Variants in ANKRD60 observed in about 807,000 individuals in gnomAD.
ANKRD60 encodes ankyrin repeat domain-containing protein 60.
In ANKRD60, 24 loss-of-function variants were observed where a neutral mutation model predicts 21.3. That is an observed-to-expected ratio of 1.13 (90% CI 0.82 to 1.59). The LOEUF (loss-of-function observed/expected upper bound fraction) is 1.59, where lower values mean the gene tolerates loss of function less well. Among genes scored for constraint, ANKRD60 ranks in the 40% most tolerant of loss-of-function variants. ANKRD60 has a pLI of 0.00. For missense variants in ANKRD60, 490 were observed against 466.7 expected (o/e 1.05, Z -0.46); for synonymous variants, 182 against 199.4 (o/e 0.91, Z 0.74).
rs930314665 is a variant in ANKRD60, at chr20:58,228,144, G to C, written c.430+80C>G. On this transcript the variant is annotated intron_variant, in intron 1 of 3. Coordinates refer to ENST00000457363, the Ensembl canonical transcript of ANKRD60. This position sits in a 1 kb window ranked among gnomAD's most constrained non-coding sequence, Gnocchi z 5.3. ...CATCTGGGGTTTCTCACGTAAGCAGGCTTCCCTTTGGGAATCCACTTCAGA... is the reference window on the plus strand; with the variant it reads ...CATCTGGGGTTTCTCACGTAAGCAGCCTTCCCTTTGGGAATCCACTTCAGA... 5 of 1,359,948 alleles carry C rather than the reference G, an allele frequency of 3.7e-6. No homozygotes were observed. The highest frequency in any genetic ancestry group is 2.9e-5 in the African/African-American group (2 of 67,906). The allele number at this position is 1,359,948 out of a possible 1,614,324, so 84.2% of individuals were successfully genotyped here.
In ANKRD60 at chr20:58,228,220, C is replaced by T; in HGVS notation, c.430+4G>A. 2 of 1,544,548 alleles carry T rather than the reference C, an allele frequency of 1.3e-6. No homozygotes were observed. The highest frequency in any genetic ancestry group is 8.8e-7 in the Non-Finnish European group (1 of 1,142,640). ...GCCAGGGAAGGAGTCAGGGCAGGAG[C>T]CACCTTCGTCGAGGTACTGGAGCCG... On this transcript the variant is annotated splice_donor_region_variant and intron_variant, in intron 1 of 3. Transcript: ENST00000457363. This position sits in a 1 kb window ranked among gnomAD's most constrained non-coding sequence, Gnocchi z 5.3.
chr20:58,218,413 C>G, downstream of ANKRD60: 5 of 1,365,614 alleles, frequency 3.7e-6, no homozygotes, highest in Non-Finnish European at 4.0e-6. Context: ...TCCTGCCTCC[C>G]TGCTCACCAA....
rs150224692 is a variant in ANKRD60, at chr20:58,221,970, G to A, written c.562-467C>T. 2.2e-3 allele frequency among the ~76,000 whole-genome samples: 336 copies of A among 152,248 alleles called. 3 individuals carry two copies. The highest frequency in any genetic ancestry group is 0.01 in the Middle Eastern group (3 of 294). ...CTGAACATGCACAGGTGAACAGCCC[G>A]GTCACGTAACCACCTCGTGGTGAAT... On this transcript the variant is annotated intron_variant, in intron 2 of 3. Coordinates refer to ENST00000457363, the Ensembl canonical transcript of ANKRD60.
chr20:58,224,501 C>T (rs900986695), intron 1 of ANKRD60, among the ~76,000 whole-genome samples: 10 of 152,230 alleles, frequency 6.6e-5, no homozygotes, highest in Admixed American at 2.6e-4. Flanking sequence ...AGCCTGTGAA[C>T]AGCCACCCCA....
At chr20:58,218,734 C>T in exon 4 of ANKRD60, 2 of 1,551,644 alleles carry the variant, frequency 1.3e-6, no homozygotes, top group Non-Finnish European at 1.7e-6. Context: ...ATTATACAGT[C>T]TGACCGGCCC....
At chr20:58,220,069 G>A (rs1302747283) in intron 3 of ANKRD60, among the ~76,000 whole-genome samples, 3 of 152,202 alleles carry the variant, frequency 2.0e-5, no homozygotes, top group Admixed American at 1.3e-4. Flanking sequence ...TTTGCTTGGT[G>A]TAAGTGGGAA....
chr20:58,227,913 G>A (rs1291370083), intron 1 of ANKRD60, among the ~76,000 whole-genome samples: 1 of 152,160 alleles, frequency 6.6e-6, no homozygotes, highest in Non-Finnish European at 1.5e-5. Flanking sequence ...GGCTTGGACA[G>A]GATTTGCTCA....
rs913327312 is a variant in ANKRD60 at position 58,228,001 on chromosome 20, T to C, written c.430+223A>G. Among the ~76,000 whole-genome samples, 13 of 152,172 alleles carry C rather than the reference T, an allele frequency of 8.5e-5. No individual in the cohort carries two copies. Among genetic ancestry groups the C allele is most frequent in the African/African-American group, 2.7e-4 (11 of 41,446 alleles). ...CTGCTGTGGACAAGGTTTGCCTTGA[T>C]TGGGAGTCCAATTTGAACGCCGTGT... On this transcript the variant is annotated intron_variant, in intron 1 of 3. Coordinates refer to ENST00000457363, the Ensembl canonical transcript of ANKRD60. This position sits in a 1 kb window ranked among gnomAD's most constrained non-coding sequence, Gnocchi z 5.3.
intron 2 of ANKRD60, 34 bp downstream of exon 2, chr20:58,223,018 C>A: frequency 6.6e-7 from 1 of 1,522,720 alleles, no homozygotes; most frequent in Non-Finnish European, 8.8e-7. Context: ...TGCTTCGTAA[C>A]GTATAATATC....
chr20:58,223,639 T>G (rs965055427), intron 1 of ANKRD60, among the ~76,000 whole-genome samples: 1 of 152,170 alleles, frequency 6.6e-6, no homozygotes, highest in Non-Finnish European at 1.5e-5. Flanking sequence ...AAAAAAAATG[T>G]TGGATCTTTC....
intron 3 of ANKRD60, among the ~76,000 whole-genome samples, chr20:58,219,702 CG>C (rs941048557): frequency 1.3e-5 from 2 of 152,164 alleles, no homozygotes; most frequent in Admixed American, 6.5e-5. Context: ...TTATGAGCTC[CG>C]GCTGGTTGGT....
downstream of ANKRD60, among the ~76,000 whole-genome samples, chr20:58,216,751 A>C (rs1984144609): frequency 6.6e-6 from 1 of 152,224 alleles, no homozygotes; most frequent in East Asian, 1.9e-4. Flanking sequence ...AGCTGACTCC[A>C]GTTCTTGGGA....
intron 1 of ANKRD60, among the ~76,000 whole-genome samples, chr20:58,227,372 T>G (rs560552370): frequency 6.6e-6 from 1 of 152,030 alleles, no homozygotes; most frequent in African/African-American, 2.4e-5. Flanking sequence ...TTGTTTTGAT[T>G]TGGCATCCTT....
Position 58,228,555 on chromosome 20 carries a change from G to T in ANKRD60, c.99C>A (p.Pro33=). Residue 33 remains proline, a synonymous_variant, in exon 1 of 4, where the codon CCC becomes CCA. Transcript: ENST00000457363. The surrounding 1 kb of genome is among the most constrained non-coding windows in gnomAD (Gnocchi z 5.3). ...GCGCACCGCTCCTGCGTCCCGCATTGGGGTGCAGGCGAGAGGCGCCCCCAG... is the reference window on the plus strand; with the variant it reads ...GCGCACCGCTCCTGCGTCCCGCATTTGGGTGCAGGCGAGAGGCGCCCCCAG... 1 of 1,292,996 alleles carries T rather than the reference G, an allele frequency of 7.7e-7. No individual in the cohort carries two copies. Among genetic ancestry groups the T allele is most frequent in the Non-Finnish European group, 9.8e-7 (1 of 1,022,934 alleles). The allele number at this position is 1,292,996 out of a possible 1,614,324, so 80.1% of individuals were successfully genotyped here.
At chr20:58,221,034 A>G (rs1317776003) in intron 3 of ANKRD60, among the ~76,000 whole-genome samples, 2 of 152,182 alleles carry the variant, frequency 1.3e-5, no homozygotes, top group Non-Finnish European at 1.5e-5. Context: ...GTCTGGTGAG[A>G]AATGAACCAG....
intron 3 of ANKRD60, among the ~76,000 whole-genome samples, chr20:58,220,683 AGTGTGTGTGTGTGTGTGTGTGTGTGT>A (rs36015489): frequency 3.4e-5 from 5 of 148,406 alleles, no homozygotes; most frequent in Non-Finnish European, 7.4e-5. Context: ...GGTTTTTTCT[AGTGTGTGTGTGTGTGTGTGTGTGTGT>A]GTGTGTGTGT....
At chr20:58,219,051 G>T (rs552831794) in intron 3 of ANKRD60, among the ~76,000 whole-genome samples, 66 of 151,978 alleles carry the variant, frequency 4.3e-4, no homozygotes, top group Non-Finnish European at 7.5e-4. Context: ...GGTCTTTCCC[G>T]CTCACTCTCA....
At chr20:58,226,191 T>C (rs1568838222) in intron 1 of ANKRD60, among the ~76,000 whole-genome samples, 1 of 152,198 alleles carries the variant, frequency 6.6e-6, no homozygotes. Context: ...GCTTTGAGAC[T>C]CGGGTTCCTG....
chr20:58,221,852 G>A (rs1300942409), intron 2 of ANKRD60, among the ~76,000 whole-genome samples: 1 of 152,132 alleles, frequency 6.6e-6, no homozygotes, highest in African/African-American at 2.4e-5. Flanking sequence ...AATATAAATG[G>A]CCTCCCAGAG....
Sources: gnomAD v4.1 joint callset for allele counts (sites outside exome capture counted in the v4.1 genomes callset) on GRCh38, gnomAD v4.1.1 for gene constraint, Gnocchi (gnomAD v3.1) non-coding constraint, MANE v1.5 for transcripts, NCBI Gene and HGNC (gene_info 2026-07-23, HGNC 2026-07-21) for gene names.